IFNLR1: variants seen among roughly 807,000 people sequenced by gnomAD.
IFNLR1 encodes the protein CRF2-12.
A neutral mutation model predicts 52.5 loss-of-function variants in IFNLR1; 28 were observed. The ratio of observed to expected loss-of-function variants is 0.53; its 90% CI spans 0.40 to 0.73. The LOEUF is 0.73. Ranked by LOEUF, IFNLR1 falls within the 30% of genes least tolerant of loss-of-function variation. The pLI is 0.00. For synonymous variants in IFNLR1, 276 were observed against 274.9 expected, an observed-to-expected ratio of 1.00 and a Z score of -0.04; for missense variants, 623 against 659.1, an observed-to-expected ratio of 0.95 and a Z score of 0.60.
At chr1:24,167,937 T>G (rs1369267170) in intron 3 of IFNLR1, among the ~76,000 whole-genome samples, 1 of 151,988 alleles carries the variant, frequency 6.6e-6, no homozygotes, top group East Asian at 1.9e-4. Flanking sequence ...GACCTCGTGA[T>G]CCGCCCGCCT....
intron 3 of IFNLR1, among the ~76,000 whole-genome samples, chr1:24,162,845 TTC>T (rs1644471223): frequency 2.9e-5 from 2 of 68,218 alleles, no homozygotes; most frequent in South Asian, 1.2e-3. Context: ...CTTTCTTTCT[TTC>T]TTTCTTTCTT....
In IFNLR1 at chr1:24,161,595, G is replaced by A; in HGVS notation, c.457C>T (p.Pro153Ser). The change falls in exon 4 of 7, where the codon CCA becomes TCA. Residue 153 changes from proline (P) to serine (S), a missense_variant. By Grantham distance (74) the Pro-to-Ser change is moderately conservative. Coordinates refer to ENST00000327535, the MANE Select transcript of IFNLR1 (RefSeq NM_170743.4). ...GCCACCTCATACTTCAGATCCAGTG[G>A]GGGCATGCAGGGGGGCAGCTGGTAC... ...ATYQLPPCMP[P>S]LDLKYEVAFW... 6.4e-7 allele frequency: 1 copy of A among 1,554,816 alleles called. No homozygotes were observed. The highest frequency in any genetic ancestry group is 8.7e-7 in the Non-Finnish European group (1 of 1,148,032).
At chr1:24,158,894 A>G in intron 6 of IFNLR1, 158 bp downstream of exon 6, 2 of 792,060 alleles carry the variant, frequency 2.5e-6, no homozygotes, top group South Asian at 1.7e-5. Context: ...GACTAAATGA[A>G]TGCATTACTA....
Position 24,161,560 on chromosome 1 carries a change from C to T in IFNLR1, c.492G>A (p.Lys164=), listed in dbSNP as rs559416734. 2 of 1,555,604 alleles carry T rather than the reference C, an allele frequency of 1.3e-6. No individual in the cohort carries two copies. Among genetic ancestry groups the T allele is most frequent in the East Asian group, 2.4e-5 (1 of 42,002 alleles). ...TTCCCACCTTGTTTCCGGCCCCCTC[C>T]TTCCAGAATGCCACCTCATACTTCA... ...LDLKYEVAFW[K]EGAGNKTLFP... is the part of the protein sequence containing the mutation. Residue 164 remains lysine (K), a synonymous_variant, in exon 4 of 7, where the codon AAG becomes AAA. Coordinates refer to ENST00000327535, the MANE Select transcript of IFNLR1 (RefSeq NM_170743.4).
At position 24,157,943 on chromosome 1, in the gene IFNLR1, T is replaced by C. The variant is rs1448286883; in HGVS notation, c.802-52A>G. On this transcript the variant is annotated intron_variant, in intron 6 of 6. Transcript: ENST00000327535. The surrounding 1 kb of genome is among the most constrained non-coding windows in gnomAD (Gnocchi z 5.1). Reference sequence around the variant, plus strand: ...AGAAAATTTAGGCTTTCCTGAAGCATAATTATCATCATCTGAATTCCCCTA... The same window carrying C: ...AGAAAATTTAGGCTTTCCTGAAGCACAATTATCATCATCTGAATTCCCCTA... 2 of 1,472,252 alleles carry C rather than the reference T, an allele frequency of 1.4e-6. No individual in the cohort carries two copies. The highest frequency in any genetic ancestry group is 4.6e-5 in the East Asian group (2 of 43,802). 91.2% of individuals were successfully genotyped at this position (1,472,252 alleles called of 1,614,324 possible). A position where few individuals can be genotyped will look rare whatever the true frequency, so the allele number is the denominator to read the frequency against.
intron 3 of IFNLR1, among the ~76,000 whole-genome samples, chr1:24,167,956 T>C (rs12035496): frequency 0.27 from 41,511 of 151,834 alleles, 6,189 homozygotes; most frequent in East Asian, 0.5. Flanking sequence ...CTCGGCCTCC[T>C]AAAGTGCTGG....
chr1:24,155,854 A>G lies in IFNLR1; in HGVS notation c.*1276T>C, dbSNP rs1171967451. ...TACGGGTGAAAACTCAGCTACGCTC[A>G]TCTATATTCAGGTGGGTGTAGGTTA... On this transcript the variant is annotated 3_prime_UTR_variant, in exon 7 of 7. Coordinates refer to ENST00000327535, the MANE Select transcript of IFNLR1 (RefSeq NM_170743.4). The G allele has an allele frequency of 3.3e-5, 5 of 152,242 alleles. No individual in the cohort carries two copies. Among genetic ancestry groups the G allele is most frequent in the Non-Finnish European group, 7.3e-5 (5 of 68,052 alleles). The allele number at this position is 152,242 out of a possible 1,614,324, so 9.4% of individuals were successfully genotyped here.
chr1:24,165,279 A>G (rs1180302822), intron 3 of IFNLR1, among the ~76,000 whole-genome samples: 1 of 152,228 alleles, frequency 6.6e-6, no homozygotes, highest in African/African-American at 2.4e-5. Context: ...TCTGTGTCCC[A>G]TATGACTGCA....
chr1:24,159,837 G>C (rs1289334213), intron 4 of IFNLR1, among the ~76,000 whole-genome samples: 1 of 150,818 alleles, frequency 6.6e-6, no homozygotes, highest in East Asian at 1.9e-4. Flanking sequence ...TCAAACTCCT[G>C]GGCTCAAGCG....
At chr1:24,161,963 C>T (rs1023490614) in intron 3 of IFNLR1, among the ~76,000 whole-genome samples, 9 of 152,182 alleles carry the variant, frequency 5.9e-5, no homozygotes, top group East Asian at 1.9e-4. Flanking sequence ...CCATCCCATC[C>T]GCCTGGGTGC....
In IFNLR1 at chr1:24,155,984, G is replaced by A. The variant is rs11249006; in HGVS notation, c.*1146C>T. The stretch of plus-strand genomic sequence containing the variant: ...GAATGGGACTTCTAAGGACCACAAC[G>A]GTCAACCAAGAGTCTAACGTGCCAT... On this transcript the variant is annotated 3_prime_UTR_variant, in exon 7 of 7. Transcript: ENST00000327535. 46,417 of 151,946 alleles carry A rather than the reference G, an allele frequency of 0.31. 7,687 individuals are homozygous for A. The highest frequency in any genetic ancestry group is 0.68 in the East Asian group (3,494 of 5,138). The allele number at this position is 151,946 out of a possible 1,614,324, so 9.4% of individuals were successfully genotyped here.
chr1:24,161,664 G>C lies in IFNLR1; in HGVS notation c.388C>G (p.Leu130Val), dbSNP rs906539065. 3 of 1,518,304 alleles carry C rather than the reference G, an allele frequency of 2.0e-6. No homozygotes were observed. Among genetic ancestry groups the C allele is most frequent in the Non-Finnish European group, 2.7e-6 (3 of 1,128,070 alleles). 94.1% of individuals were successfully genotyped at this position (1,518,304 alleles called of 1,614,324 possible). A position where few individuals can be genotyped will look rare whatever the true frequency, so the allele number is the denominator to read the frequency against. The change falls in exon 4 of 7, where the codon CTG becomes GTG. Residue 130 changes from leucine to valine, a missense_variant. Transcript: ENST00000327535. Reference protein sequence around the residue: ...LFEVEPAPPVLVLTQTEEILS... With the variant: ...LFEVEPAPPVVVLTQTEEILS... ...ATCTCCTCCGTCTGGGTGAGCACCA[G>C]GACAGGTGGGGCCGGCTCCACTGCA...
intron 2 of IFNLR1, among the ~76,000 whole-genome samples, chr1:24,170,712 G>C (rs1341523851): frequency 6.6e-6 from 1 of 152,204 alleles, no homozygotes; most frequent in African/African-American, 2.4e-5. Flanking sequence ...CCATGGTAGG[G>C]ATGTGAGACA....
chr1:24,172,706 G>A (rs1297435793), intron 2 of IFNLR1, among the ~76,000 whole-genome samples: 1 of 152,122 alleles, frequency 6.6e-6, no homozygotes, highest in African/African-American at 2.4e-5. Flanking sequence ...ACTGTTGAAG[G>A]AAAAAAATCT....
intron 3 of IFNLR1, among the ~76,000 whole-genome samples, chr1:24,168,609 C>T (rs1449354797): frequency 2.6e-5 from 4 of 151,908 alleles, no homozygotes; most frequent in Non-Finnish European, 5.9e-5. Context: ...AAAGTGCCCT[C>T]CTCACCCAAT....
chr1:24,158,602 G>T (rs1440792775), intron 6 of IFNLR1, among the ~76,000 whole-genome samples: 1 of 152,114 alleles, frequency 6.6e-6, no homozygotes, highest in Non-Finnish European at 1.5e-5. Flanking sequence ...GCCCCAGCTC[G>T]CCCCTAGGTT....
chr1:24,171,001 A>G (rs895659418), intron 2 of IFNLR1, among the ~76,000 whole-genome samples: 2 of 152,240 alleles, frequency 1.3e-5, no homozygotes, highest in Admixed American at 1.3e-4. Context: ...GAACCAGTGT[A>G]GTTATATTAA....
intron 3 of IFNLR1, 116 bp downstream of exon 3, chr1:24,169,301 C>T (rs2148595027): frequency 1.0e-6 from 1 of 993,736 alleles, no homozygotes; most frequent in East Asian, 2.6e-5. Context: ...GGGAGCTGCC[C>T]TCTGCTTTGG....
chr1:24,178,474 G>C (rs536714371), intron 2 of IFNLR1, among the ~76,000 whole-genome samples: 27 of 152,090 alleles, frequency 1.8e-4, no homozygotes, highest in African/African-American at 6.5e-4. Flanking sequence ...TGTACCAGAG[G>C]GACCTGGAAC....
Sources: gnomAD v4.1 joint callset for allele counts (sites outside exome capture counted in the v4.1 genomes callset) on GRCh38, gnomAD v4.1.1 for gene constraint, Gnocchi (gnomAD v3.1) non-coding constraint, MANE v1.5 for transcripts, NCBI Gene and HGNC (gene_info 2026-07-23, HGNC 2026-07-21) for gene names.